GUCY1A1: variants seen among roughly 807,000 people sequenced by gnomAD.
GUCY1A1 encodes the protein guanylate cyclase 1 soluble subunit alpha 1, also known as guanylate cyclase soluble subunit alpha-1.
GUCY1A1 carries 48 observed loss-of-function variants against 64.5 expected under a neutral mutation model. That is an observed-to-expected ratio of 0.74 (90% CI 0.59 to 0.95). The LOEUF (loss-of-function observed/expected upper bound fraction) is 0.95. GUCY1A1 is among the 40% of genes least tolerant of loss of function. The probability of loss-of-function intolerance (pLI) is 0.00; values close to 1 mark genes in which losing one functional copy is unlikely to be tolerated. For missense variants in GUCY1A1, 804 were observed against 825.3 expected (o/e 0.97, Z 0.32); for synonymous variants, 308 against 303.4 (o/e 1.02, Z -0.16).
At chr4:155,679,620 G>A (rs978624516) in intron 2 of GUCY1A1, among the ~76,000 whole-genome samples, 1 of 152,134 alleles carries the variant, frequency 6.6e-6, no homozygotes, top group African/African-American at 2.4e-5. Flanking sequence ...TCATTCATGA[G>A]GGATCTGCCC....
Position 155,713,160 on chromosome 4 carries a change from G to A in GUCY1A1, c.1149G>A (p.Gly383=). The A allele has an allele frequency of 6.2e-7, 1 of 1,613,756 alleles. No individual in the cohort carries two copies. Among genetic ancestry groups the A allele is most frequent in the Non-Finnish European group, 8.5e-7 (1 of 1,179,702 alleles). The change falls in exon 7 of 10, where the codon GGG becomes GGA. Residue 383 remains glycine (G), a synonymous_variant. Transcript: ENST00000506455. ...IVESSAILFL[G]SPCVDRLEDF... ...AATCCAGTGCAATCTTGTTTTTGGG[G>A]TCACCCTGTGTGGACAGATTAGAAG...
chr4:155,695,469 A>G (rs7688323), intron 2 of GUCY1A1, among the ~76,000 whole-genome samples: 26,529 of 152,170 alleles, frequency 0.17, 2,667 homozygotes, highest in East Asian at 0.23. Flanking sequence ...ATTTTAATAT[A>G]AATTTGTAAA....
chr4:155,689,926 T>C (rs1729516983), intron 2 of GUCY1A1, among the ~76,000 whole-genome samples: 1 of 152,142 alleles, frequency 6.6e-6, no homozygotes, highest in South Asian at 2.1e-4. Context: ...TCCTCCTCTT[T>C]AAAAATAGCT....
chr4:155,730,311 T>G lies in GUCY1A1; in HGVS notation c.*80T>G. ...GAGCCTCTGAAAGCACTTTAGGGATTGTAGATGGCTAACAAGCAGTATTAA... is the reference window on the plus strand; with the variant it reads ...GAGCCTCTGAAAGCACTTTAGGGATGGTAGATGGCTAACAAGCAGTATTAA... On this transcript the variant is annotated 3_prime_UTR_variant, in exon 10 of 10. Transcript: ENST00000506455. The G allele has an allele frequency of 1.3e-6, 1 of 796,098 alleles. No homozygotes were observed. The highest frequency in any genetic ancestry group is 2.1e-6 in the Non-Finnish European group (1 of 477,740). The allele number at this position is 796,098 out of a possible 1,614,324, so 49.3% of individuals were successfully genotyped here. A position where few individuals can be genotyped will look rare whatever the true frequency, so the allele number is the denominator to read the frequency against.
chr4:155,680,010 T>A (rs1353045436), intron 2 of GUCY1A1, among the ~76,000 whole-genome samples: 1 of 152,208 alleles, frequency 6.6e-6, no homozygotes, highest in African/African-American at 2.4e-5. Context: ...AGTGCTATTT[T>A]TTCTTCTTTA....
chr4:155,682,178 C>T (rs1360506075), intron 2 of GUCY1A1, among the ~76,000 whole-genome samples: 1 of 152,004 alleles, frequency 6.6e-6, no homozygotes, highest in African/African-American at 2.4e-5. Context: ...TGGCGTGCCC[C>T]TTGCCAAAAT....
chr4:155,708,085 C>T (rs1426878070), intron 4 of GUCY1A1, 151 bp from the exon 5 acceptor site: 3 of 463,662 alleles, frequency 6.5e-6, no homozygotes, highest in Non-Finnish European at 1.2e-5. Flanking sequence ...GATCCACCCA[C>T]CTCGGCCTCC....
chr4:155,671,917 TC>T (rs1734194553), intron 2 of GUCY1A1, among the ~76,000 whole-genome samples: 1 of 152,078 alleles, frequency 6.6e-6, no homozygotes, highest in Admixed American at 6.5e-5. Flanking sequence ...TAAAGTGTGA[TC>T]CCCAGAGTTT....
At chr4:155,689,954 A>G (rs1729520457) in intron 2 of GUCY1A1, among the ~76,000 whole-genome samples, 1 of 152,184 alleles carries the variant, frequency 6.6e-6, no homozygotes, top group Non-Finnish European at 1.5e-5. Flanking sequence ...GCTCACACTT[A>G]CATGTAGATG....
intron 8 of GUCY1A1, 133 bp downstream of exon 8, chr4:155,717,435 A>C: frequency 2.1e-6 from 1 of 477,526 alleles, no homozygotes; most frequent in Non-Finnish European, 3.5e-6. Flanking sequence ...AGAGAACACA[A>C]TCTTCTCTAA....
intron 9 of GUCY1A1, among the ~76,000 whole-genome samples, chr4:155,728,542 A>G (rs991401157): frequency 2.6e-5 from 4 of 151,878 alleles, no homozygotes; most frequent in Non-Finnish European, 5.9e-5. Flanking sequence ...ATGTCTTTAG[A>G]TAATATAACT....
At chr4:155,712,818 G>A (rs1282264443) in intron 6 of GUCY1A1, among the ~76,000 whole-genome samples, 1 of 152,218 alleles carries the variant, frequency 6.6e-6, no homozygotes, top group African/African-American at 2.4e-5. Context: ...AGTAGCAAAA[G>A]CATCAGCATG....
chr4:155,682,170 G>A (rs1049501516), intron 2 of GUCY1A1, among the ~76,000 whole-genome samples: 5 of 151,348 alleles, frequency 3.3e-5, no homozygotes, highest in African/African-American at 4.9e-5. Flanking sequence ...TTTCTCTGTG[G>A]CGTGCCCCTT....
intron 2 of GUCY1A1, among the ~76,000 whole-genome samples, chr4:155,689,844 T>G (rs1729505199): frequency 6.6e-6 from 1 of 152,166 alleles, no homozygotes; most frequent in South Asian, 2.1e-4. Context: ...GCCGTTGTCT[T>G]TAGAGTTGAC....
At chr4:155,715,529 G>A (rs1323342266) in intron 7 of GUCY1A1, among the ~76,000 whole-genome samples, 1 of 152,144 alleles carries the variant, frequency 6.6e-6, no homozygotes, top group Non-Finnish European at 1.5e-5. Context: ...ATATGGAGAG[G>A]GAGAAGAGGG....
chr4:155,712,388 T>G (rs1317941815), intron 6 of GUCY1A1, among the ~76,000 whole-genome samples: 1 of 152,086 alleles, frequency 6.6e-6, no homozygotes, highest in African/African-American at 2.4e-5. Context: ...CGCCTCGTTC[T>G]CCTAAGCTCT....
chr4:155,736,207 A>G lies in GUCY1A1; in HGVS notation c.*5976A>G, dbSNP rs1736041243. On this transcript the variant is annotated 3_prime_UTR_variant, in exon 10 of 10. Transcript: ENST00000506455. ...CAATCCATATACTACATATTAGGAC[A>G]GCTTTTCTTTTCTAAATGAGCATGA... is the stretch of plus-strand genomic sequence containing the variant. 1 of 151,940 alleles carries G rather than the reference A, an allele frequency of 6.6e-6. No individual in the cohort carries two copies. The highest frequency in any genetic ancestry group is 1.5e-5 in the Non-Finnish European group (1 of 67,922). The allele number at this position is 151,940 out of a possible 1,614,324, so 9.4% of individuals were successfully genotyped here. A position where few individuals can be genotyped will look rare whatever the true frequency, so the allele number is the denominator to read the frequency against.
At chr4:155,726,453 G>A (rs941362903) in intron 9 of GUCY1A1, among the ~76,000 whole-genome samples, 34 of 151,988 alleles carry the variant, frequency 2.2e-4, no homozygotes, top group Admixed American at 5.3e-4. Flanking sequence ...TACAAGAAGC[G>A]GCTGCTAAAG....
chr4:155,690,167 A>C (rs1403532000), intron 2 of GUCY1A1, among the ~76,000 whole-genome samples: 1 of 152,162 alleles, frequency 6.6e-6, no homozygotes, highest in Non-Finnish European at 1.5e-5. Flanking sequence ...AGTCATGGGA[A>C]ATGTATTATG....
Sources: allele counts gnomAD v4.1 joint callset (sites outside exome capture counted in the v4.1 genomes callset), GRCh38; gene constraint gnomAD v4.1.1; transcripts MANE v1.5; gene names NCBI Gene and HGNC (gene_info 2026-07-23, HGNC 2026-07-21).